Variants in PCDH15 observed in about 807,000 individuals in gnomAD.
PCDH15 encodes protocadherin related 15.
PCDH15 carries 129 observed loss-of-function variants against 178.5 expected under a neutral mutation model. That is an observed-to-expected ratio of 0.72 (90% CI 0.63 to 0.84). PCDH15 has a LOEUF of 0.84. Among genes scored for constraint, PCDH15 ranks in the 40% least tolerant of loss-of-function variants. The pLI, the probability that PCDH15 is intolerant of heterozygous loss-of-function variation, is 0.00. For missense variants in PCDH15, 2,230 were observed against 2,099.9 expected, an observed-to-expected ratio of 1.06 and a Z score of -1.21; for synonymous variants, 800 against 732.0, an observed-to-expected ratio of 1.09 and a Z score of -1.50.
At chr10:54,597,753 A>G (rs7068060) in intron 2 of PCDH15, among the ~76,000 whole-genome samples, 17,866 of 152,118 alleles carry the variant, frequency 0.12, 1,245 homozygotes, top group Middle Eastern at 0.17. Context: ...CTAAGAAAGA[A>G]GAAAACAGAG....
At chr10:54,107,991 T>A (rs1304387874) in intron 15 of PCDH15, among the ~76,000 whole-genome samples, 1 of 152,118 alleles carries the variant, frequency 6.6e-6, no homozygotes, top group Non-Finnish European at 1.5e-5. Flanking sequence ...AGGGCATTTG[T>A]GTAGACTCTC....
intron 2 of PCDH15, among the ~76,000 whole-genome samples, chr10:54,961,934 G>T (rs1838667056): frequency 6.6e-6 from 1 of 152,084 alleles, no homozygotes; most frequent in African/African-American, 2.4e-5. Flanking sequence ...GCCCACTTTG[G>T]GTCTCCTCTA....
At chr10:54,752,337 C>T (rs1591444073) in intron 1 of PCDH15, among the ~76,000 whole-genome samples, 1 of 151,408 alleles carries the variant, frequency 6.6e-6, no homozygotes, top group East Asian at 1.9e-4. Context: ...ATTAGCCGGG[C>T]GTGGTGGCGG....
intron 10 of PCDH15, among the ~76,000 whole-genome samples, chr10:54,208,437 A>G (rs1372411764): frequency 6.6e-6 from 1 of 152,068 alleles, no homozygotes; most frequent in East Asian, 1.9e-4. Context: ...TAATTAAGTC[A>G]TGAGAATAGA....
chr10:55,407,286 AT>A (rs1470287060), intron 2 of PCDH15, among the ~76,000 whole-genome samples: 1 of 152,200 alleles, frequency 6.6e-6, no homozygotes, highest in Non-Finnish European at 1.5e-5. Flanking sequence ...CAGAAAAATA[AT>A]TGATGATGTA....
At chr10:54,860,154 A>G (rs1953814139) in intron 3 of PCDH15, among the ~76,000 whole-genome samples, 1 of 152,154 alleles carries the variant, frequency 6.6e-6, no homozygotes, top group South Asian at 2.1e-4. Context: ...TTAAAAATGC[A>G]ACTTTTATTT....
intron 1 of PCDH15, chr10:55,319,488 C>T (rs1309461517): frequency 2.0e-5 from 3 of 152,050 alleles, no homozygotes; most frequent in African/African-American, 4.8e-5. Flanking sequence ...GAACATTTAC[C>T]ACCAAGGGAC....
chr10:54,700,405 T>C (rs1201743951), intron 1 of PCDH15, among the ~76,000 whole-genome samples: 2 of 151,932 alleles, frequency 1.3e-5, no homozygotes, highest in African/African-American at 4.8e-5. Flanking sequence ...AGAATATTGA[T>C]AGGGATGAAG....
chr10:55,183,733 C>A (rs1268341405), intron 1 of PCDH15, among the ~76,000 whole-genome samples: 1 of 151,468 alleles, frequency 6.6e-6, no homozygotes, highest in South Asian at 2.1e-4. Flanking sequence ...ATGCCTCCAG[C>A]AGAATGTAAT....
intron 9 of PCDH15, among the ~76,000 whole-genome samples, chr10:54,221,578 G>A (rs2052814517): frequency 6.6e-6 from 1 of 151,422 alleles, no homozygotes; most frequent in Non-Finnish European, 1.5e-5. Flanking sequence ...ATAGGAATGG[G>A]ATCATTTATA....
intron 2 of PCDH15, among the ~76,000 whole-genome samples, chr10:54,577,353 A>G (rs2090589978): frequency 6.6e-6 from 1 of 151,670 alleles, no homozygotes; most frequent in Admixed American, 6.6e-5. Context: ...CGGCCTCCCA[A>G]AGTGCTGGGA....
At chr10:55,432,114 C>CACA (rs71014487) in intron 2 of PCDH15, among the ~76,000 whole-genome samples, 32 of 147,100 alleles carry the variant, frequency 2.2e-4, no homozygotes, top group African/African-American at 7.8e-4. Context: ...CACACACACA[C>CACA]CACAAGTCTC....
chr10:53,823,748 A>G (rs2076478478), intron 32 of PCDH15: 1 of 460,244 alleles, frequency 2.2e-6, no homozygotes, highest in Non-Finnish European at 4.4e-6. Flanking sequence ...GAGGATGCTC[A>G]GGGCTGCCTG....
chr10:55,528,794 A>C (rs1469194117), intron 2 of PCDH15, among the ~76,000 whole-genome samples: 1 of 152,120 alleles, frequency 6.6e-6, no homozygotes, highest in Non-Finnish European at 1.5e-5. Flanking sequence ...TCCTTGAGGA[A>C]TCGCCACACT....
chr10:55,081,671 T>C (rs1842045098), intron 2 of PCDH15, among the ~76,000 whole-genome samples: 1 of 152,174 alleles, frequency 6.6e-6, no homozygotes, highest in Non-Finnish European at 1.5e-5. Flanking sequence ...AAAGAGAAGA[T>C]GTTCATCTTT....
chr10:55,205,273 A>G (rs1324721683), intron 1 of PCDH15, among the ~76,000 whole-genome samples: 1 of 152,066 alleles, frequency 6.6e-6, no homozygotes, highest in African/African-American at 2.4e-5. Context: ...GATAATATAA[A>G]CCTAAAGTAT....
At chr10:55,376,817 T>A (rs1565074438) in intron 2 of PCDH15, among the ~76,000 whole-genome samples, 1 of 152,068 alleles carries the variant, frequency 6.6e-6, no homozygotes, top group Non-Finnish European at 1.5e-5. Flanking sequence ...ATTTCAGATA[T>A]GTTCTTCATC....
intron 19 of PCDH15, among the ~76,000 whole-genome samples, chr10:54,021,458 T>C (rs718311): frequency 0.23 from 34,467 of 151,926 alleles, 4,186 homozygotes; most frequent in African/African-American, 0.25. Flanking sequence ...TTTAATTCAA[T>C]TTTCAATCAA....
At chr10:54,176,317 C>T (rs1021554053) in intron 13 of PCDH15, among the ~76,000 whole-genome samples, 2 of 152,082 alleles carry the variant, frequency 1.3e-5, no homozygotes, top group Non-Finnish European at 2.9e-5. Context: ...CACAATAAAA[C>T]ATGTGGGAGA....
Sources: allele counts gnomAD v4.1 joint callset (sites outside exome capture counted in the v4.1 genomes callset), GRCh38; gene constraint gnomAD v4.1.1; transcripts MANE v1.5; gene names NCBI Gene and HGNC (gene_info 2026-07-23, HGNC 2026-07-21).